DLGAP2: variants seen among roughly 807,000 people sequenced by gnomAD.
DLGAP2 encodes disks large-associated protein 2.
A neutral mutation model predicts 100.3 loss-of-function variants in DLGAP2; 26 were observed. That is an observed-to-expected ratio of 0.26 (90% CI 0.19 to 0.36). The LOEUF (loss-of-function observed/expected upper bound fraction) is 0.36, where lower values mean the gene tolerates loss of function less well. DLGAP2 is among the 10% of genes least tolerant of loss of function. The probability of loss-of-function intolerance (pLI) is 1.00; values close to 1 mark genes in which losing one functional copy is unlikely to be tolerated. For missense variants in DLGAP2, 1,858 were observed against 1,453.2 expected (o/e 1.28, Z -4.53); for synonymous variants, 886 against 630.1 (o/e 1.41, Z -6.08).
chr8:1,304,101 A>G (rs549387151), intron 3 of DLGAP2, among the ~76,000 whole-genome samples: 40 of 152,334 alleles, frequency 2.6e-4, no homozygotes, highest in African/African-American at 9.1e-4. Flanking sequence ...TGCATTCTTC[A>G]GGGCAGAGGC....
At chr8:1,598,861 T>C (rs1330131954) in intron 6 of DLGAP2, among the ~76,000 whole-genome samples, 3 of 152,214 alleles carry the variant, frequency 2.0e-5, no homozygotes, top group African/African-American at 7.2e-5. Flanking sequence ...CATGTCTCTA[T>C]CTCCTTCAGT....
chr8:1,076,648 G>A (rs1328231142), intron 2 of DLGAP2, among the ~76,000 whole-genome samples: 1 of 152,206 alleles, frequency 6.6e-6, no homozygotes, highest in Non-Finnish European at 1.5e-5. Flanking sequence ...CCAGCAGTTG[G>A]CAGAGTTTTA....
rs147323976 is a variant in DLGAP2 at position 1,094,698 on chromosome 8, C to T, written c.74-164153C>T. 2.7e-3 allele frequency among the ~76,000 whole-genome samples: 410 copies of T among 152,328 alleles called. 1 individual carries two copies. Among genetic ancestry groups the T allele is most frequent in the African/African-American group, 9.1e-3 (380 of 41,580 alleles). ...TTTTGTGTCTTTATTGACCGTGCAGCGGGCACAAGAGTGGCTGGACAAGCT... is the reference window on the plus strand; with the variant it reads ...TTTTGTGTCTTTATTGACCGTGCAGTGGGCACAAGAGTGGCTGGACAAGCT... On this transcript the variant is annotated intron_variant, in intron 2 of 14. Transcript: ENST00000637795.
intron 2 of DLGAP2, among the ~76,000 whole-genome samples, chr8:969,483 G>A (rs1275108919): frequency 6.6e-6 from 1 of 151,870 alleles, no homozygotes; most frequent in African/African-American, 2.4e-5. Flanking sequence ...TGCTGGAGCA[G>A]CTCGTACTGG....
In DLGAP2 at chr8:1,174,354, C is replaced by G. The variant is rs540821396; in HGVS notation, c.74-84497C>G. Among the ~76,000 whole-genome samples the G allele has an allele frequency of 3.3e-5, 5 of 151,400 alleles. No individual in the cohort carries two copies. The South Asian group carries it at 1.0e-3, about 32-fold the overall frequency. On this transcript the variant is annotated intron_variant, in intron 2 of 14. Coordinates refer to ENST00000637795, the MANE Select transcript of DLGAP2 (RefSeq NM_001346810.2). The stretch of plus-strand genomic sequence containing the variant: ...ATCATTACCATTACCACCATCATTA[C>G]CATCACCAAAATCATTATCATTACC...
chr8:1,432,676 C>G (rs1584895990), intron 3 of DLGAP2, among the ~76,000 whole-genome samples: 1 of 152,364 alleles, frequency 6.6e-6, no homozygotes, highest in East Asian at 1.9e-4. Flanking sequence ...CTGAGCTGTT[C>G]TCTTCTGTGT....
At chr8:1,566,533 G>C (rs1040065535) in intron 6 of DLGAP2, among the ~76,000 whole-genome samples, 1 of 152,190 alleles carries the variant, frequency 6.6e-6, no homozygotes, top group Admixed American at 6.5e-5. Flanking sequence ...AAGTTAGTTT[G>C]GGTGGTAATG....
chr8:1,571,718 T>G (rs1343292706), intron 6 of DLGAP2, among the ~76,000 whole-genome samples: 6 of 73,944 alleles, frequency 8.1e-5, no homozygotes, highest in Admixed American at 1.5e-4. Flanking sequence ...GGGTGAACTG[T>G]GGGGGCGTCT....
chr8:1,100,085 C>G (rs1382475971), intron 2 of DLGAP2, among the ~76,000 whole-genome samples: 1 of 152,264 alleles, frequency 6.6e-6, no homozygotes, highest in African/African-American at 2.4e-5. Context: ...TCTGCCCTGC[C>G]TGGGACATGA....
chr8:1,676,414 C>T (rs749443269), intron 10 of DLGAP2, 119 bp from the exon 11 acceptor site: 27 of 1,042,904 alleles, frequency 2.6e-5, no homozygotes, highest in East Asian at 2.1e-4. Flanking sequence ...TCAAGTGCAC[C>T]GCTGCATTAA....
intron 3 of DLGAP2, among the ~76,000 whole-genome samples, chr8:1,486,397 C>G (rs1284737153): frequency 6.6e-6 from 1 of 152,114 alleles, no homozygotes; most frequent in Non-Finnish European, 1.5e-5. Flanking sequence ...AGGGCTGTGT[C>G]CTCTCTGGAT....
chr8:1,280,273 C>T (rs1179377102), intron 3 of DLGAP2, among the ~76,000 whole-genome samples: 1 of 152,164 alleles, frequency 6.6e-6, no homozygotes, highest in South Asian at 2.1e-4. Context: ...ACCATCTCTG[C>T]ACTTAGTTTA....
At chr8:1,428,875 C>G (rs1429468667) in intron 3 of DLGAP2, among the ~76,000 whole-genome samples, 1 of 152,194 alleles carries the variant, frequency 6.6e-6, no homozygotes, top group Non-Finnish European at 1.5e-5. Context: ...AGCTAGGTGA[C>G]TCCCATGCAC....
intron 2 of DLGAP2, among the ~76,000 whole-genome samples, chr8:1,080,284 C>T (rs1329885015): frequency 2.0e-5 from 3 of 152,228 alleles, no homozygotes; most frequent in Non-Finnish European, 2.9e-5. Flanking sequence ...CCCCGCCCCG[C>T]CGCCCGCGTG....
At chr8:757,992 C>G (rs1196557933) in intron 1 of DLGAP2, among the ~76,000 whole-genome samples, 4 of 152,162 alleles carry the variant, frequency 2.6e-5, no homozygotes, top group Admixed American at 2.6e-4. Flanking sequence ...TGCCTTTGAG[C>G]AGTGAGGACA....
At chr8:1,285,071 A>AC (rs1248899059) in intron 3 of DLGAP2, among the ~76,000 whole-genome samples, 1 of 152,206 alleles carries the variant, frequency 6.6e-6, no homozygotes, top group African/African-American at 2.4e-5. Flanking sequence ...ATGCCATTTA[A>AC]CAGGTTATCT....
chr8:1,107,248 A>G (rs1268963017), intron 2 of DLGAP2, among the ~76,000 whole-genome samples: 1 of 152,172 alleles, frequency 6.6e-6, no homozygotes, highest in African/African-American at 2.4e-5. Flanking sequence ...AATGGAGACA[A>G]TAGCTCACAG....
intron 2 of DLGAP2, among the ~76,000 whole-genome samples, chr8:1,022,721 C>T (rs570794845): frequency 3.3e-5 from 5 of 151,300 alleles, no homozygotes; most frequent in East Asian, 2.0e-4. Flanking sequence ...TGGACAGTAC[C>T]GTGCCGAGGT....
chr8:1,411,906 C>T lies in DLGAP2; in HGVS notation c.107-89460C>T, dbSNP rs189810353. The stretch of plus-strand genomic sequence containing the variant: ...CATCCAGGCCTTTGCAAGTGGGACA[C>T]AGAGTGTGGGGGTGGATGCTTCCAC... On this transcript the variant is annotated intron_variant, in intron 3 of 14. Transcript: ENST00000637795. 4.0e-4 allele frequency among the ~76,000 whole-genome samples: 61 copies of T among 152,238 alleles called. No individual in the cohort carries two copies. The East Asian group carries it at 0.012, about 29-fold the overall frequency.
Sources: gnomAD v4.1 joint callset for allele counts (sites outside exome capture counted in the v4.1 genomes callset) on GRCh38, gnomAD v4.1.1 for gene constraint, MANE v1.5 for transcripts, NCBI Gene and HGNC (gene_info 2026-07-23, HGNC 2026-07-21) for gene names.